PLCE1: variants seen among roughly 807,000 people sequenced by gnomAD.
PLCE1 encodes phospholipase C epsilon 1.
Under a neutral mutation model 242.8 loss-of-function variants are expected in PLCE1, and 119 were observed. That is an observed-to-expected ratio of 0.49 (90% CI 0.42 to 0.57). The LOEUF is 0.57. PLCE1 is among the 20% of genes least tolerant of loss of function. The probability of loss-of-function intolerance (pLI) is 0.00; values close to 1 mark genes in which losing one functional copy is unlikely to be tolerated. For missense variants in PLCE1, 2,441 were observed against 2,788.8 expected, an observed-to-expected ratio of 0.88 and a Z score of 2.81; for synonymous variants, 945 against 1,017.4, an observed-to-expected ratio of 0.93 and a Z score of 1.35.
chr10:94,323,983 C>A (rs7907525), intron 30 of PLCE1, among the ~76,000 whole-genome samples: 5,104 of 152,284 alleles, frequency 0.034, 291 homozygotes, highest in African/African-American at 0.11. Flanking sequence ...CTATTCCTCA[C>A]TGGCTGACTT....
chr10:94,189,295 A>G (rs2136572858), intron 4 of PLCE1, among the ~76,000 whole-genome samples: 1 of 148,370 alleles, frequency 6.7e-6, no homozygotes, highest in Non-Finnish European at 1.5e-5. Flanking sequence ...TATATATTAT[A>G]TAATATATAG....
At chr10:94,157,778 T>G (rs1258721510) in intron 3 of PLCE1, among the ~76,000 whole-genome samples, 1 of 152,188 alleles carries the variant, frequency 6.6e-6, no homozygotes, top group African/African-American at 2.4e-5. Flanking sequence ...ATTCACCCTC[T>G]GATTTGTACA....
rs2053450020 is a variant in PLCE1, at chr10:94,313,344, A to G, written c.6094A>G (p.Ile2032Val). ...PGPEPFTVFTINGGTKAKQLL... is the reference protein window; with the variant it reads ...PGPEPFTVFTVNGGTKAKQLL... The stretch of plus-strand genomic sequence containing the variant: ...GCCAGAGCCCTTTACCGTTTTCACT[A>G]TTAATGGAGGCACCAAGGCAAAGCA... The change falls in exon 28 of 33, where the codon ATT becomes GTT. Residue 2032 changes from isoleucine (I) to valine (V), a missense_variant. By Grantham distance (29) the Ile-to-Val change is conservative (BLOSUM62 3). Around this residue, in one of 5 missense-constraint regions of PLCE1, gnomAD observed 310 missense variants for 317.2 expected, o/e 0.98. Transcript: ENST00000371380. 1 of 1,614,192 alleles carries G rather than the reference A, an allele frequency of 6.2e-7. No individual in the cohort carries two copies. The highest frequency in any genetic ancestry group is 8.5e-7 in the Non-Finnish European group (1 of 1,180,006).
In PLCE1 at chr10:94,152,372, G is replaced by A. The variant is rs2136123909; in HGVS notation, c.1493-18808G>A. Reference sequence around the variant, plus strand: ...AGTAAGTATACAATGAGTACTAAATGTGTAATAGCATTTGGTCAACAAGTG... The same window carrying A: ...AGTAAGTATACAATGAGTACTAAATATGTAATAGCATTTGGTCAACAAGTG... On this transcript the variant is annotated intron_variant, in intron 3 of 32. Coordinates refer to ENST00000371380, the MANE Select transcript of PLCE1 (RefSeq NM_016341.4). 2.6e-5 allele frequency among the ~76,000 whole-genome samples: 4 copies of A among 152,314 alleles called. No homozygotes were observed. In the South Asian group the frequency reaches 8.3e-4, roughly 32 times the overall value.
In PLCE1 at chr10:94,329,799, A is replaced by AAAAC. The variant is rs2054136911; in HGVS notation, c.*1859_*1860insCAAA. ...CTCAAAAAAAAAAAAAAAAAAAAAA[A>AAAAC]AAAAAAAAAAAACACCATACAGCTT... is the stretch of plus-strand genomic sequence containing the variant. On this transcript the variant is annotated 3_prime_UTR_variant, in exon 33 of 33. Coordinates refer to ENST00000371380, the MANE Select transcript of PLCE1 (RefSeq NM_016341.4). 1 of 148,390 alleles carries AAAAC rather than the reference A, an allele frequency of 6.7e-6. No homozygotes were observed. Among genetic ancestry groups the AAAAC allele is most frequent in the Non-Finnish European group, 1.5e-5 (1 of 66,920 alleles). 9.2% of individuals were successfully genotyped at this position (148,390 alleles called of 1,614,324 possible). A position where few individuals can be genotyped will look rare whatever the true frequency, so the allele number is the denominator to read the frequency against.
At chr10:94,015,498 C>T (rs541925596) in intron 1 of PLCE1, among the ~76,000 whole-genome samples, 144 of 152,012 alleles carry the variant, frequency 9.5e-4, no homozygotes, top group Non-Finnish European at 1.8e-3. Context: ...ATAAAGAAAA[C>T]GAGGGATTGG....
chr10:94,077,526 A>G lies in PLCE1; in HGVS notation c.1206+45274A>G, dbSNP rs140118505. Among the ~76,000 whole-genome samples, 73 of 152,312 alleles carry G rather than the reference A, an allele frequency of 4.8e-4. No homozygotes were observed. The East Asian group carries it at 0.011, about 23-fold the overall frequency. ...TGTAATCCCAGACCTTTGGGAGGCCAAGGTGAGAGAATCGCTTAAGGCTAG... is the reference window on the plus strand; with the variant it reads ...TGTAATCCCAGACCTTTGGGAGGCCGAGGTGAGAGAATCGCTTAAGGCTAG... On this transcript the variant is annotated intron_variant, in intron 2 of 32. Transcript: ENST00000371380.
At position 94,030,811 on chromosome 10, in the gene PLCE1, G is replaced by C; in HGVS notation, c.-236G>C. ...TTCAGGTAACAGAGGAAGGAAAATT[G>C]ATCTACCACCTTAAAACCCTGATCT... On this transcript the variant is annotated 5_prime_UTR_variant, in exon 2 of 33. Coordinates refer to ENST00000371380, the MANE Select transcript of PLCE1 (RefSeq NM_016341.4). 1.9e-6 allele frequency: 1 copy of C among 530,482 alleles called. No individual in the cohort carries two copies. The allele number at this position is 530,482 out of a possible 1,614,324, so 32.9% of individuals were successfully genotyped here. A position where few individuals can be genotyped will look rare whatever the true frequency, so the allele number is the denominator to read the frequency against.
chr10:94,263,680 C>T (rs12240281), intron 14 of PLCE1, among the ~76,000 whole-genome samples: 41,478 of 151,704 alleles, frequency 0.27, 5,744 homozygotes, highest in Middle Eastern at 0.37. Flanking sequence ...GGTAACAGAG[C>T]GAAACCCTGT....
intron 2 of PLCE1, among the ~76,000 whole-genome samples, chr10:94,034,190 T>A (rs1489714595): frequency 1.3e-5 from 2 of 152,178 alleles, no homozygotes; most frequent in East Asian, 1.9e-4. Context: ...ACCGCCCCCA[T>A]GATTCAATTA....
chr10:94,184,216 G>A (rs917966793), intron 4 of PLCE1, among the ~76,000 whole-genome samples: 1 of 152,136 alleles, frequency 6.6e-6, no homozygotes, highest in Non-Finnish European at 1.5e-5. Flanking sequence ...AAGCATAAAG[G>A]TAACTCCCCT....
At chr10:94,129,925 A>G (rs2046546727) in intron 2 of PLCE1, among the ~76,000 whole-genome samples, 1 of 151,960 alleles carries the variant, frequency 6.6e-6, no homozygotes, top group Non-Finnish European at 1.5e-5. Context: ...GTTATTTCCT[A>G]TGCTTACTCC....
chr10:94,008,556 G>T (rs185772392), intron 1 of PLCE1, among the ~76,000 whole-genome samples: 265 of 152,290 alleles, frequency 1.7e-3, no homozygotes, highest in African/African-American at 6.2e-3. Context: ...TGATCTGCCT[G>T]CCTCAGCCTC....
rs1255871441 is a variant in PLCE1, at chr10:94,265,818, G to C, written c.4141G>C (p.Ala1381Pro). 6.2e-7 allele frequency: 1 copy of C among 1,613,922 alleles called. No homozygotes were observed. The highest frequency in any genetic ancestry group is 1.7e-5 in the Admixed American group (1 of 60,010). ...ARFLMDKENFASKNDESQENI... is the reference protein window; with the variant it reads ...ARFLMDKENFPSKNDESQENI... ...GTTTCTGATGGATAAAGAAAATTTT[G>C]CCTCAAAAAATGATGAGTCACAGGA... The change falls in exon 16 of 33, where the codon GCC becomes CCC. Residue 1381 changes from alanine (A) to proline (P), a missense_variant. Physicochemically the swap from Ala to Pro is conservative, Grantham distance 27. Coordinates refer to ENST00000371380, the MANE Select transcript of PLCE1 (RefSeq NM_016341.4).
At chr10:94,083,568 G>T (rs940784536) in intron 2 of PLCE1, among the ~76,000 whole-genome samples, 4 of 152,208 alleles carry the variant, frequency 2.6e-5, no homozygotes, top group African/African-American at 9.6e-5. Flanking sequence ...TTGCCCTGCT[G>T]TGCAGCCCCT....
At chr10:94,157,003 T>G (rs2136172483) in intron 3 of PLCE1, among the ~76,000 whole-genome samples, 1 of 152,214 alleles carries the variant, frequency 6.6e-6, no homozygotes, top group Middle Eastern at 3.4e-3. Flanking sequence ...CTTTTTTTGG[T>G]GTTTTTTGGG....
intron 1 of PLCE1, among the ~76,000 whole-genome samples, chr10:94,006,558 G>T (rs1451314962): frequency 6.6e-6 from 1 of 152,170 alleles, no homozygotes; most frequent in Non-Finnish European, 1.5e-5. Context: ...TCCTACAAGG[G>T]ATTGTTGTAA....
At chr10:94,178,033 A>G (rs1197416828) in intron 4 of PLCE1, among the ~76,000 whole-genome samples, 1 of 152,084 alleles carries the variant, frequency 6.6e-6, no homozygotes, top group Non-Finnish European at 1.5e-5. Context: ...TGTGTTGTTC[A>G]CCAATGATGA....
At chr10:94,295,672 A>G (rs1025103266) in intron 23 of PLCE1, among the ~76,000 whole-genome samples, 2 of 152,362 alleles carry the variant, frequency 1.3e-5, no homozygotes, top group South Asian at 4.1e-4. Flanking sequence ...CACCAGATCC[A>G]TCAGAGGAAT....
Sources: allele counts gnomAD v4.1 joint callset (sites outside exome capture counted in the v4.1 genomes callset), GRCh38; gene constraint gnomAD v4.1.1; regional missense constraint gnomAD v4.1.1; transcripts MANE v1.5; gene names NCBI Gene and HGNC (gene_info 2026-07-23, HGNC 2026-07-21).